The following PDZD2 variants were observed in gnomAD, a reference collection of about 807,000 sequenced individuals.
PDZD2 encodes the protein PDZ domain containing 2.
Under a neutral mutation model 220.7 loss-of-function variants are expected in PDZD2, and 90 were observed. The observed-to-expected ratio is 0.41, with a 90% CI of 0.34 to 0.49. The LOEUF (loss-of-function observed/expected upper bound fraction) is 0.49, where lower values mean the gene tolerates loss of function less well. PDZD2 is among the 20% of genes least tolerant of loss of function. PDZD2 has a pLI of 0.28. For missense variants in PDZD2, 3,174 were observed against 3,608.5 expected (o/e 0.88, Z 3.08); for synonymous variants, 1,375 against 1,450.5 (o/e 0.95, Z 1.18).
At chr5:32,064,167 C>T (rs157502) in intron 14 of PDZD2, among the ~76,000 whole-genome samples, 62,704 of 151,902 alleles carry the variant, frequency 0.41, 14,156 homozygotes, top group African/African-American at 0.61. Flanking sequence ...CTTCAGCAAG[C>T]TCAACTCAAC....
chr5:32,019,276 G>C (rs1268192377), intron 6 of PDZD2, among the ~76,000 whole-genome samples: 4 of 151,510 alleles, frequency 2.6e-5, no homozygotes, highest in Non-Finnish European at 5.9e-5. Flanking sequence ...TGAGTAGCTA[G>C]GATTACAGTT....
rs1209391787 is a variant in PDZD2 at position 32,087,489 on chromosome 5, C to T, written c.4041C>T (p.Ser1347=). The T allele has an allele frequency of 6.2e-7, 1 of 1,613,326 alleles. No individual in the cohort carries two copies. Among genetic ancestry groups the T allele is most frequent in the Non-Finnish European group, 8.5e-7 (1 of 1,179,616 alleles). The change falls in exon 20 of 25, where the codon TCC becomes TCT. Residue 1347 remains serine (S), a synonymous_variant. Transcript: ENST00000438447. The surrounding 1 kb of genome is among the most constrained non-coding windows in gnomAD (Gnocchi z 4.0). ...GAVLPGDPLT[S]QEQRQGAPGN... is the part of the protein sequence containing the mutation. ...TCCTGCCAGGAGACCCCCTCACATC[C>T]CAGGAGCAGAGACAGGGAGCTCCAG...
Position 32,108,217 on chromosome 5 carries a change from T to C in PDZD2, c.*82T>C. ...TTCTTTAAACCACAGGTTGTTGAAA[T>C]GGCCAACACTGGTACAGACACGGAC... is the stretch of plus-strand genomic sequence containing the variant. On this transcript the variant is annotated 3_prime_UTR_variant, in exon 25 of 25. Coordinates refer to ENST00000438447, the MANE Select transcript of PDZD2 (RefSeq NM_178140.4). 3 of 855,958 alleles carry C rather than the reference T, an allele frequency of 3.5e-6. No individual in the cohort carries two copies. Among genetic ancestry groups the C allele is most frequent in the Non-Finnish European group, 5.5e-6 (3 of 546,926 alleles). 53.0% of individuals were successfully genotyped at this position (855,958 alleles called of 1,614,324 possible).
At chr5:31,682,479 A>G (rs1258488771) in intron 1 of PDZD2, among the ~76,000 whole-genome samples, 3 of 152,226 alleles carry the variant, frequency 2.0e-5, no homozygotes, top group African/African-American at 7.2e-5. Flanking sequence ...ACAAGGCTTC[A>G]TTACAACAAA....
At chr5:31,915,180 GC>G (rs1239852521) in intron 2 of PDZD2, among the ~76,000 whole-genome samples, 1 of 152,142 alleles carries the variant, frequency 6.6e-6, no homozygotes, top group East Asian at 1.9e-4. Context: ...CCCTCCTGAT[GC>G]CTACTTTCCA....
intron 2 of PDZD2, among the ~76,000 whole-genome samples, chr5:31,878,681 C>T (rs1739566417): frequency 6.6e-6 from 1 of 150,844 alleles, no homozygotes; most frequent in East Asian, 2.0e-4. Flanking sequence ...CTGCCTCAGC[C>T]TCCTGAGTAG....
chr5:31,667,231 G>C (rs532482972), intron 1 of PDZD2, among the ~76,000 whole-genome samples: 2 of 49,626 alleles, frequency 4.0e-5, no homozygotes, highest in African/African-American at 1.6e-4. Flanking sequence ...GCAAGACTCC[G>C]TCTCAAAAAA....
At chr5:31,675,493 A>G (rs1746373368) in intron 1 of PDZD2, among the ~76,000 whole-genome samples, 1 of 152,196 alleles carries the variant, frequency 6.6e-6, no homozygotes, top group Non-Finnish European at 1.5e-5. Context: ...TAATAATAAT[A>G]GTAGCAATGA....
At chr5:31,654,390 A>G (rs1745464946) in intron 1 of PDZD2, among the ~76,000 whole-genome samples, 1 of 151,620 alleles carries the variant, frequency 6.6e-6, no homozygotes, top group Non-Finnish European at 1.5e-5. Context: ...CCTCTTAATA[A>G]TGCTGGAGGG....
At chr5:31,640,893 C>T (rs1238674534) in intron 1 of PDZD2, among the ~76,000 whole-genome samples, 1 of 151,542 alleles carries the variant, frequency 6.6e-6, no homozygotes, top group Non-Finnish European at 1.5e-5. Context: ...AGGGGGGTGG[C>T]AGGTGCTAGG....
chr5:31,951,803 A>G (rs1747207899), intron 2 of PDZD2, among the ~76,000 whole-genome samples: 1 of 152,214 alleles, frequency 6.6e-6, no homozygotes, highest in Admixed American at 6.5e-5. Context: ...GTATGTGATC[A>G]CTGCATTCCA....
At chr5:31,737,177 T>TC (rs1410452921) in intron 1 of PDZD2, among the ~76,000 whole-genome samples, 2 of 136,608 alleles carry the variant, frequency 1.5e-5, no homozygotes, top group Admixed American at 1.5e-4. Flanking sequence ...CTTTTTTTTT[T>TC]TTTTTTTTTT....
At chr5:31,965,010 C>T (rs1748599510) in intron 2 of PDZD2, among the ~76,000 whole-genome samples, 2 of 152,234 alleles carry the variant, frequency 1.3e-5, no homozygotes, top group African/African-American at 4.8e-5. Flanking sequence ...GCATGAGCCA[C>T]CGCGCCCGGC....
At chr5:31,887,763 A>C (rs550639315) in intron 2 of PDZD2, among the ~76,000 whole-genome samples, 1 of 151,742 alleles carries the variant, frequency 6.6e-6, no homozygotes, top group South Asian at 2.1e-4. Flanking sequence ...TTGCCTGTGC[A>C]TGCCCTGTGT....
chr5:31,941,987 C>A (rs1476716452), intron 2 of PDZD2, among the ~76,000 whole-genome samples: 1 of 152,138 alleles, frequency 6.6e-6, no homozygotes, highest in Non-Finnish European at 1.5e-5. Flanking sequence ...CCAGAAACAA[C>A]CTCTGGGTCA....
intron 1 of PDZD2, among the ~76,000 whole-genome samples, chr5:31,661,048 C>A (rs901029280): frequency 6.6e-6 from 1 of 152,124 alleles, no homozygotes; most frequent in African/African-American, 2.4e-5. Context: ...AGAAGTAATT[C>A]TTGTATCCAA....
chr5:31,767,038 T>C (rs898140155), intron 1 of PDZD2, among the ~76,000 whole-genome samples: 37 of 145,122 alleles, frequency 2.5e-4, no homozygotes, highest in African/African-American at 9.1e-4. Flanking sequence ...TTTTTTTTTT[T>C]TTTTTTTTGA....
chr5:32,069,750 T>G, intron 15 of PDZD2, 100 bp downstream of exon 15: 1 of 685,726 alleles, frequency 1.5e-6, no homozygotes, highest in Non-Finnish European at 2.6e-6. Flanking sequence ...TCTTGGTAAT[T>G]ATCAGGTTTG....
At chr5:31,808,927 C>T (rs573996301) in intron 2 of PDZD2, among the ~76,000 whole-genome samples, 4 of 150,722 alleles carry the variant, frequency 2.7e-5, no homozygotes, top group South Asian at 2.1e-4. Flanking sequence ...TGCAGTGAGC[C>T]GAGATCACAC....
Sources: gnomAD v4.1 joint callset for allele counts (sites outside exome capture counted in the v4.1 genomes callset) on GRCh38, gnomAD v4.1.1 for gene constraint, Gnocchi (gnomAD v3.1) non-coding constraint, MANE v1.5 for transcripts, NCBI Gene and HGNC (gene_info 2026-07-23, HGNC 2026-07-21) for gene names.